Variants in UGT2A1 observed in about 807,000 individuals in gnomAD.
UGT2A1 encodes UDP-glucuronosyltransferase 2A1.
Under a neutral mutation model 45.4 loss-of-function variants are expected in UGT2A1, and 61 were observed. The observed-to-expected ratio is 1.34, with a 90% CI of 1.09 to 1.66. The LOEUF is 1.66. Among genes scored for constraint, UGT2A1 ranks in the 40% most tolerant of loss-of-function variants. UGT2A1 has a pLI of 0.00. For missense variants in UGT2A1, 649 were observed against 574.3 expected, an observed-to-expected ratio of 1.13 and a Z score of -1.33; for synonymous variants, 229 against 196.2, an observed-to-expected ratio of 1.17 and a Z score of -1.40.
intron 2 of UGT2A1, among the ~76,000 whole-genome samples, chr4:69,645,888 G>C (rs548506924): frequency 6.6e-6 from 1 of 151,782 alleles, no homozygotes; most frequent in Non-Finnish European, 1.5e-5. Flanking sequence ...TCGCACCTGT[G>C]CTGTTTTGTC....
intron 3 of UGT2A1, among the ~76,000 whole-genome samples, chr4:69,602,463 TTATCTATC>T (rs71206000): frequency 0.15 from 15,075 of 100,856 alleles, 3,079 homozygotes; most frequent in Admixed American, 0.28. Flanking sequence ...ATTTAGGAGT[TTATCTATC>T]TATCTATCTA....
chr4:69,600,482 G>A (rs1429322747), intron 3 of UGT2A1, among the ~76,000 whole-genome samples: 2 of 152,174 alleles, frequency 1.3e-5, no homozygotes, highest in Non-Finnish European at 2.9e-5. Context: ...GAATGAGTAG[G>A]AAGTGTGCTA....
intron 3 of UGT2A1, among the ~76,000 whole-genome samples, chr4:69,632,552 A>T (rs553164411): frequency 9.8e-5 from 15 of 152,286 alleles, no homozygotes; most frequent in African/African-American, 3.6e-4. Context: ...CTTATGCACG[A>T]CAATAGTAAA....
intron 3 of UGT2A1, among the ~76,000 whole-genome samples, chr4:69,627,345 T>A (rs1288253443): frequency 6.6e-6 from 1 of 151,800 alleles, no homozygotes; most frequent in African/African-American, 2.4e-5. Flanking sequence ...ATTAAAACAG[T>A]ACTACTAGAC....
intron 2 of UGT2A1, among the ~76,000 whole-genome samples, chr4:69,645,256 G>T (rs868678609): frequency 6.6e-6 from 1 of 151,552 alleles, no homozygotes; most frequent in African/African-American, 2.4e-5. Context: ...ACTGGATTTC[G>T]CCAAATATTC....
chr4:69,639,079 C>T (rs1721895741), intron 2 of UGT2A1: 1 of 1,613,446 alleles, frequency 6.2e-7, no homozygotes, highest in Non-Finnish European at 8.5e-7. Flanking sequence ...TGTCTCTCCA[C>T]TGTTGATGCT....
chr4:69,597,131 T>C (rs558014392), intron 4 of UGT2A1, among the ~76,000 whole-genome samples: 2 of 152,324 alleles, frequency 1.3e-5, no homozygotes, highest in Admixed American at 1.3e-4. Context: ...CGGTTCCTGT[T>C]AAGCATTCAA....
chr4:69,646,831 T>C, intron 2 of UGT2A1, 99 bp downstream of exon 2: 1 of 820,964 alleles, frequency 1.2e-6, no homozygotes, highest in Non-Finnish European at 1.8e-6. Flanking sequence ...ACATCAATAC[T>C]TGGAATTAAA....
At chr4:69,639,005 C>T (rs894523773) in intron 2 of UGT2A1, 23 of 1,613,250 alleles carry the variant, frequency 1.4e-5, no homozygotes, top group Non-Finnish European at 1.9e-5. Flanking sequence ...CAAAGGTCAT[C>T]TGGTCAGTGA....
intron 3 of UGT2A1, among the ~76,000 whole-genome samples, chr4:69,600,364 G>A (rs563876662): frequency 2.0e-5 from 3 of 152,190 alleles, no homozygotes; most frequent in East Asian, 1.9e-4. Context: ...GGGACCTTGC[G>A]GAAGTCTGTC....
At chr4:69,638,749 G>A (rs1034843731) in intron 2 of UGT2A1, 2 of 1,042,938 alleles carry the variant, frequency 1.9e-6, no homozygotes, top group East Asian at 5.4e-5. Context: ...TTTATTCAAA[G>A]AGAATAATCA....
At chr4:69,648,951 TC>T (rs1722401294) in intron 1 of UGT2A1, among the ~76,000 whole-genome samples, 1 of 152,050 alleles carries the variant, frequency 6.6e-6, no homozygotes, top group Non-Finnish European at 1.5e-5. Context: ...AACTAAGGAA[TC>T]CATATGAATA....
chr4:69,634,749 G>A (rs1369637037), intron 3 of UGT2A1, among the ~76,000 whole-genome samples: 1 of 151,952 alleles, frequency 6.6e-6, no homozygotes, highest in Non-Finnish European at 1.5e-5. Flanking sequence ...GAATTAAAAA[G>A]AAAAAGGGAG....
Position 69,638,935 on chromosome 4 carries a change from A to T in UGT2A1, c.716-3113T>A, listed in dbSNP as rs775932604. 6 of 1,611,156 alleles carry T rather than the reference A, an allele frequency of 3.7e-6. 1 individual carries two copies. In the South Asian group the frequency reaches 6.6e-5, roughly 18 times the overall value. On this transcript the variant is annotated intron_variant, in intron 2 of 6. Coordinates refer to ENST00000286604, the MANE Select transcript of UGT2A1 (RefSeq NM_001252275.3). ...CTATAGTATGAATTCCATTCTCCCC[A>T]GTAGGACTGAAATATATAGTCTTGC...
intron 3 of UGT2A1, among the ~76,000 whole-genome samples, chr4:69,623,523 A>G (rs974723700): frequency 1.3e-5 from 2 of 151,620 alleles, no homozygotes; most frequent in Admixed American, 6.6e-5. Context: ...TTAACAGAAT[A>G]GTTTATATAA....
intron 3 of UGT2A1, among the ~76,000 whole-genome samples, chr4:69,607,918 C>A (rs1252829245): frequency 2.0e-5 from 3 of 152,136 alleles, no homozygotes; most frequent in Admixed American, 6.5e-5. Context: ...AGTCAGGAAA[C>A]AACAGGTGCT....
intron 3 of UGT2A1, among the ~76,000 whole-genome samples, chr4:69,610,879 A>G (rs1177752963): frequency 6.6e-6 from 1 of 152,208 alleles, no homozygotes; most frequent in East Asian, 1.9e-4. Context: ...TGCTACAGCT[A>G]CACACCACTG....
chr4:69,630,448 T>C (rs115214101), intron 3 of UGT2A1, among the ~76,000 whole-genome samples: 1 of 152,246 alleles, frequency 6.6e-6, no homozygotes, highest in African/African-American at 2.4e-5. Context: ...CCATAGTTTT[T>C]ATCAACCATC....
intron 3 of UGT2A1, among the ~76,000 whole-genome samples, chr4:69,634,939 G>A (rs1280783895): frequency 1.3e-5 from 2 of 151,916 alleles, no homozygotes; most frequent in South Asian, 2.1e-4. Flanking sequence ...TTTTCTTCAT[G>A]GGCTGGGATA....
Sources: gnomAD v4.1 joint callset for allele counts (sites outside exome capture counted in the v4.1 genomes callset) on GRCh38, gnomAD v4.1.1 for gene constraint, MANE v1.5 for transcripts, NCBI Gene and HGNC (gene_info 2026-07-23, HGNC 2026-07-21) for gene names.